CDH12: variants seen among roughly 807,000 people sequenced by gnomAD.
CDH12 encodes cadherin-12.
A neutral mutation model predicts 74.1 loss-of-function variants in CDH12; 41 were observed. That is an observed-to-expected ratio of 0.55 (90% CI 0.43 to 0.72). The LOEUF is 0.72. Ranked by LOEUF, CDH12 falls within the 30% of genes least tolerant of loss-of-function variation. The pLI, the probability that CDH12 is intolerant of heterozygous loss-of-function variation, is 0.00. For synonymous variants in CDH12, 399 were observed against 355.0 expected, an observed-to-expected ratio of 1.12 and a Z score of -1.39; for missense variants, 945 against 977.2, an observed-to-expected ratio of 0.97 and a Z score of 0.44.
At chr5:22,088,367 A>C (rs1743199281) in intron 4 of CDH12, among the ~76,000 whole-genome samples, 1 of 152,044 alleles carries the variant, frequency 6.6e-6, no homozygotes, top group Admixed American at 6.6e-5. Context: ...AGAGGATAAA[A>C]GCTCTGTTTC....
intron 3 of CDH12, among the ~76,000 whole-genome samples, chr5:22,393,104 A>C (rs1239430149): frequency 6.6e-6 from 1 of 152,210 alleles, no homozygotes; most frequent in Non-Finnish European, 1.5e-5. Context: ...AGAATTAACA[A>C]AGTTAAAATC....
chr5:22,612,272 C>T (rs1052674230), intron 1 of CDH12, among the ~76,000 whole-genome samples: 1 of 152,076 alleles, frequency 6.6e-6, no homozygotes, highest in Admixed American at 6.6e-5. Context: ...TTCTGTAAAT[C>T]TTTATACAGG....
At chr5:21,974,506 T>C (rs1007950053) in intron 6 of CDH12, among the ~76,000 whole-genome samples, 1 of 152,164 alleles carries the variant, frequency 6.6e-6, no homozygotes, top group African/African-American at 2.4e-5. Context: ...ATAATTGTAA[T>C]TGTAATTTGT....
chr5:22,148,032 A>G (rs1463808943), intron 4 of CDH12, among the ~76,000 whole-genome samples: 1 of 152,064 alleles, frequency 6.6e-6, no homozygotes, highest in African/African-American at 2.4e-5. Context: ...AAACCATGTT[A>G]TTTTTCTGCT....
At chr5:22,214,799 G>A (rs1751737073) in intron 3 of CDH12, among the ~76,000 whole-genome samples, 1 of 152,154 alleles carries the variant, frequency 6.6e-6, no homozygotes, top group African/African-American at 2.4e-5. Flanking sequence ...CCATGAGACT[G>A]CCCTGATGAC....
intron 6 of CDH12, among the ~76,000 whole-genome samples, chr5:21,887,245 C>A (rs1235969522): frequency 6.6e-6 from 1 of 152,048 alleles, no homozygotes; most frequent in Non-Finnish European, 1.5e-5. Context: ...TTCTTTCACT[C>A]CTTGCTGATA....
intron 4 of CDH12, among the ~76,000 whole-genome samples, chr5:22,151,515 C>T (rs1747581161): frequency 2.6e-5 from 4 of 151,986 alleles, no homozygotes; most frequent in Admixed American, 2.6e-4. Context: ...ATTAAATCAC[C>T]AAAAGGGTTA....
intron 4 of CDH12, among the ~76,000 whole-genome samples, chr5:22,155,602 T>C (rs1211974263): frequency 6.6e-6 from 1 of 152,144 alleles, no homozygotes; most frequent in East Asian, 1.9e-4. Context: ...GTGCAGACTT[T>C]GGGTTATTGG....
chr5:22,108,002 T>C (rs987051127), intron 4 of CDH12, among the ~76,000 whole-genome samples: 1 of 152,218 alleles, frequency 6.6e-6, no homozygotes, highest in Non-Finnish European at 1.5e-5. Flanking sequence ...AGCATGGAAC[T>C]GAGCAATATT....
intron 2 of CDH12, among the ~76,000 whole-genome samples, chr5:22,420,669 T>G (rs1422405486): frequency 6.6e-6 from 1 of 152,172 alleles, no homozygotes; most frequent in Non-Finnish European, 1.5e-5. Context: ...ATTTTTTGAA[T>G]AAAATTCAAA....
At chr5:22,796,291 T>C (rs556320760) in intron 1 of CDH12, among the ~76,000 whole-genome samples, 1 of 152,188 alleles carries the variant, frequency 6.6e-6, no homozygotes, top group Non-Finnish European at 1.5e-5. Flanking sequence ...ATGGCTTTAC[T>C]AATTTACATT....
At chr5:22,485,338 T>A (rs1746545077) in intron 2 of CDH12, among the ~76,000 whole-genome samples, 1 of 152,160 alleles carries the variant, frequency 6.6e-6, no homozygotes. Context: ...CATGCCACCA[T>A]GCCCAGTTAA....
chr5:21,975,956 AT>A (rs1300330793), intron 5 of CDH12, among the ~76,000 whole-genome samples: 2 of 152,224 alleles, frequency 1.3e-5, no homozygotes, highest in African/African-American at 4.8e-5. Flanking sequence ...TGTTCTGAAG[AT>A]GAAATCAATG....
At chr5:22,336,654 C>A (rs763495780) in intron 3 of CDH12, among the ~76,000 whole-genome samples, 2 of 152,156 alleles carry the variant, frequency 1.3e-5, no homozygotes, top group Admixed American at 1.3e-4. Context: ...CCAGTGCACA[C>A]AAGTCAAGAA....
At chr5:22,710,846 T>C (rs1277246851) in intron 1 of CDH12, among the ~76,000 whole-genome samples, 2 of 152,086 alleles carry the variant, frequency 1.3e-5, no homozygotes, top group Admixed American at 6.6e-5. Flanking sequence ...CCTGACGTCA[T>C]ACAAAAATAG....
chr5:22,731,036 C>G (rs1285076345), intron 1 of CDH12, among the ~76,000 whole-genome samples: 1 of 151,814 alleles, frequency 6.6e-6, no homozygotes, highest in Non-Finnish European at 1.5e-5. Flanking sequence ...GATGTGTTTA[C>G]TCTTCTTCAT....
chr5:22,682,213 A>T (rs1418352023), intron 1 of CDH12, among the ~76,000 whole-genome samples: 2 of 152,102 alleles, frequency 1.3e-5, no homozygotes, highest in East Asian at 3.9e-4. Context: ...ATGTCTTTAC[A>T]ATACAGACTG....
intron 1 of CDH12, among the ~76,000 whole-genome samples, chr5:22,737,516 A>G (rs2127012569): frequency 6.6e-6 from 1 of 152,102 alleles, no homozygotes; most frequent in Non-Finnish European, 1.5e-5. Context: ...AAAAATTATA[A>G]CGTGAGAAAA....
chr5:21,922,584 C>T (rs191735255), intron 6 of CDH12, among the ~76,000 whole-genome samples: 14 of 152,112 alleles, frequency 9.2e-5, no homozygotes, highest in East Asian at 1.9e-4. Flanking sequence ...GTAGATGATA[C>T]GAACATAATT....
Sources: gnomAD v4.1 joint callset for allele counts (sites outside exome capture counted in the v4.1 genomes callset) on GRCh38, gnomAD v4.1.1 for gene constraint, MANE v1.5 for transcripts, NCBI Gene and HGNC (gene_info 2026-07-23, HGNC 2026-07-21) for gene names.